FXYD6: variants seen among roughly 807,000 people sequenced by gnomAD.
The protein encoded by FXYD6 is FXYD domain-containing ion transport regulator 6.
A neutral mutation model predicts 16.7 loss-of-function variants in FXYD6; 7 were observed. The ratio of observed to expected loss-of-function variants is 0.42; its 90% CI spans 0.24 to 0.79. FXYD6 has a LOEUF of 0.79. Ranked by LOEUF, FXYD6 falls within the 30% of genes least tolerant of loss-of-function variation. FXYD6 has a pLI of 0.28. For missense variants in FXYD6, 111 were observed against 116.2 expected (o/e 0.95, Z 0.21); for synonymous variants, 49 against 43.0 (o/e 1.14, Z -0.54).
At chr11:117,869,670 AAAG>A (rs60207647) in intron 1 of FXYD6, among the ~76,000 whole-genome samples, 62,050 of 151,612 alleles carry the variant, frequency 0.41, 12,891 homozygotes, top group Admixed American at 0.48. Flanking sequence ...GACAGAGGAA[AAAG>A]AAGAAGAAGA....
At position 117,837,725 on chromosome 11, in the gene FXYD6, G is replaced by A. The variant is rs2056232268; in HGVS notation, c.*574C>T. 1 of 160,966 alleles carries A rather than the reference G, an allele frequency of 6.2e-6. No homozygotes were observed. Among genetic ancestry groups the A allele is most frequent in the East Asian group, 1.7e-4 (1 of 5,820 alleles). 10.0% of individuals were successfully genotyped at this position (160,966 alleles called of 1,614,324 possible). ...GGATCAGGTGGGATAAGGAAGCAAG[G>A]TTTTTGTTAAAGGAGTGAAAGGAGT... On this transcript the variant is annotated 3_prime_UTR_variant, in exon 8 of 8. Coordinates refer to ENST00000526014, the MANE Select transcript of FXYD6 (RefSeq NM_022003.4). The surrounding 1 kb of genome is among the most constrained non-coding windows in gnomAD (Gnocchi z 4.4).
In FXYD6 at chr11:117,842,740, C is replaced by A. The variant is rs1217218603; in HGVS notation, c.37G>T (p.Ala13Ser). The change falls in exon 2 of 8, where the codon GCC (alanine) becomes TCC (serine). Residue 13 changes from alanine (A) to serine (S), a missense_variant. Coordinates refer to ENST00000526014, the MANE Select transcript of FXYD6 (RefSeq NM_022003.4). ...TTACCACTGGCCAGGACCATGGGGGCCAGCAGGCTGCAGAGGAAGACCAGC... is the reference window on the plus strand; with the variant it reads ...TTACCACTGGCCAGGACCATGGGGGACAGCAGGCTGCAGAGGAAGACCAGC... Reference protein sequence around the residue: ...LVLVFLCSLLAPMVLASAAEK... With the variant: ...LVLVFLCSLLSPMVLASAAEK... 4 of 1,570,078 alleles carry A rather than the reference C, an allele frequency of 2.5e-6. No homozygotes were observed. The highest frequency in any genetic ancestry group is 3.5e-6 in the Non-Finnish European group (4 of 1,156,830).
intron 1 of FXYD6, among the ~76,000 whole-genome samples, chr11:117,856,487 C>G (rs1032333834): frequency 6.6e-5 from 10 of 152,160 alleles, no homozygotes; most frequent in African/African-American, 2.4e-4. Context: ...TGAGGGGTCA[C>G]CGGGCCTGGG....
intron 1 of FXYD6, among the ~76,000 whole-genome samples, chr11:117,860,268 G>A (rs6589628): frequency 0.48 from 72,283 of 151,266 alleles, 17,955 homozygotes; most frequent in East Asian, 0.73. Context: ...GAGCCATGAG[G>A]GGCCACCTGC....
chr11:117,847,639 T>A (rs1204846984), intron 1 of FXYD6, among the ~76,000 whole-genome samples: 4 of 151,838 alleles, frequency 2.6e-5, no homozygotes, highest in African/African-American at 4.8e-5. Context: ...CTTATGATAG[T>A]TTTCTGAGAA....
intron 1 of FXYD6, among the ~76,000 whole-genome samples, chr11:117,865,366 T>C (rs1238241390): frequency 6.6e-6 from 1 of 152,192 alleles, no homozygotes; most frequent in Non-Finnish European, 1.5e-5. Context: ...CCTCTGGATA[T>C]ATACCCAAAA....
At chr11:117,862,316 G>A (rs2056924815) in intron 1 of FXYD6, among the ~76,000 whole-genome samples, 1 of 152,210 alleles carries the variant, frequency 6.6e-6, no homozygotes. Context: ...TCCTTCTGAG[G>A]CCTCGGCTGC....
Position 117,839,818 on chromosome 11 carries a change from T to TG in FXYD6, c.271dup (p.Gln91ProfsTer18), listed in dbSNP as rs1309367337. 2 of 1,614,084 alleles carry TG rather than the reference T, an allele frequency of 1.2e-6. No individual in the cohort carries two copies. The highest frequency in any genetic ancestry group is 2.7e-5 in the African/African-American group (2 of 74,936). On this transcript the variant is annotated frameshift_variant, in exon 7 of 8. Coordinates refer to ENST00000526014, the MANE Select transcript of FXYD6 (RefSeq NM_022003.4). LOFTEE classifies it high-confidence loss of function. ...GGCTGCACTTCAGTTCTCTGCTTTC[T>TG]GGGGCTCTGTTGCTGGAAAGAAAAC...
At chr11:117,862,371 C>T (rs1426635118) in intron 1 of FXYD6, among the ~76,000 whole-genome samples, 6 of 152,166 alleles carry the variant, frequency 3.9e-5, no homozygotes, top group Admixed American at 2.0e-4. Context: ...CCATGCCCTG[C>T]GTGCCCCACT....
Position 117,870,469 on chromosome 11 carries a change from G to A in FXYD6, c.-6+6123C>T, listed in dbSNP as rs2057110744. The stretch of plus-strand genomic sequence containing the variant: ...ACAGAAACCCAGAGCAGCTGCCAGG[G>A]CCAGGAACCCAGAAGCCAGGCCCAC... On this transcript the variant is annotated intron_variant, in intron 1 of 7. Transcript: ENST00000526014. The surrounding 1 kb of genome is among the most constrained non-coding windows in gnomAD (Gnocchi z 4.2). Among the ~76,000 whole-genome samples the A allele has an allele frequency of 6.6e-6, 1 of 152,172 alleles. No individual in the cohort carries two copies. The highest frequency in any genetic ancestry group is 1.5e-5 in the Non-Finnish European group (1 of 68,004).
intron 1 of FXYD6, among the ~76,000 whole-genome samples, chr11:117,856,774 T>C (rs1281803153): frequency 1.3e-5 from 2 of 152,230 alleles, no homozygotes; most frequent in East Asian, 1.9e-4. Flanking sequence ...ACAGAATTCA[T>C]CACAGTTGGT....
At chr11:117,876,355 C>T (rs1284619999) in intron 1 of FXYD6, among the ~76,000 whole-genome samples, 1 of 152,218 alleles carries the variant, frequency 6.6e-6, no homozygotes, top group Non-Finnish European at 1.5e-5. Context: ...CCCAGCGCCA[C>T]AGCCTGCCTC....
intron 1 of FXYD6, among the ~76,000 whole-genome samples, chr11:117,859,674 G>A (rs1388985679): frequency 6.6e-6 from 1 of 152,150 alleles, no homozygotes; most frequent in African/African-American, 2.4e-5. Flanking sequence ...AGCCTTCAGA[G>A]CCAGTCCCTT....
Position 117,838,290 on chromosome 11 carries a change from A to T in FXYD6, c.*22-13T>A, listed in dbSNP as rs1273110852. The stretch of plus-strand genomic sequence containing the variant: ...CAGGTTCCAGAGGCTGAGGAGGAGG[A>T]TAATTTAAATTAAAAACACTTCGGC... On this transcript the variant is annotated splice_polypyrimidine_tract_variant and intron_variant, in intron 7 of 7. Transcript: ENST00000526014. 5.7e-6 allele frequency: 4 copies of T among 702,482 alleles called. No individual in the cohort carries two copies. The highest frequency in any genetic ancestry group is 2.7e-5 in the East Asian group (1 of 37,274). The allele number at this position is 702,482 out of a possible 1,614,324, so 43.5% of individuals were successfully genotyped here. A position where few individuals can be genotyped will look rare whatever the true frequency, so the allele number is the denominator to read the frequency against.
At chr11:117,854,593 G>A (rs1362898016) in intron 1 of FXYD6, among the ~76,000 whole-genome samples, 1 of 152,348 alleles carries the variant, frequency 6.6e-6, no homozygotes, top group Non-Finnish European at 1.5e-5. Context: ...GGTGGCAAAG[G>A]GCTCTGATCC....
intron 1 of FXYD6, among the ~76,000 whole-genome samples, chr11:117,849,196 G>T (rs927507755): frequency 1.3e-5 from 2 of 152,184 alleles, no homozygotes; most frequent in African/African-American, 4.8e-5. Flanking sequence ...CTCCATCATA[G>T]TTGGATTGTT....
intron 4 of FXYD6, chr11:117,841,554 CCCTGCTCGTTCCTAT>C (rs1260840591): frequency 3.3e-6 from 2 of 605,518 alleles, no homozygotes; most frequent in African/African-American, 1.9e-5. Flanking sequence ...TGGGAAGCCA[CCCTGCTCGTTCCTAT>C]CTATGCTCAT....
In FXYD6 at chr11:117,841,800, G is replaced by C; in HGVS notation, c.163C>G (p.Leu55Val). The C allele has an allele frequency of 6.2e-7, 1 of 1,613,868 alleles. No individual in the cohort carries two copies. Among genetic ancestry groups the C allele is most frequent in the Non-Finnish European group, 8.5e-7 (1 of 1,179,998 alleles). ...AVVLFSVGIL[L>V]ILSRRCKCSF... ...AAAAGAACAAACTTACTTAGGATAA[G>C]GAGGATCCCAACCGAGAAGAGGACC... Residue 55 changes from leucine (L) to valine (V), a missense_variant, in exon 4 of 8, where the codon CTT becomes GTT. Leu to Val is a conservative substitution (Grantham distance 32, BLOSUM62 1). Transcript: ENST00000526014.
intron 1 of FXYD6, among the ~76,000 whole-genome samples, chr11:117,856,504 C>T (rs2056729620): frequency 6.6e-6 from 1 of 152,182 alleles, no homozygotes; most frequent in African/African-American, 2.4e-5. Flanking sequence ...TGGGTCTTAG[C>T]AGGATGCCCT....
Sources: gnomAD v4.1 joint callset for allele counts (sites outside exome capture counted in the v4.1 genomes callset) on GRCh38, gnomAD v4.1.1 for gene constraint, Gnocchi (gnomAD v3.1) non-coding constraint, MANE v1.5 for transcripts, NCBI Gene and HGNC (gene_info 2026-07-23, HGNC 2026-07-21) for gene names.